The following GLI4 variants were observed in gnomAD, a reference collection of about 807,000 sequenced individuals.
GLI4 encodes the protein GLI family zinc finger 4.
GLI4 carries 34 observed loss-of-function variants against 30.9 expected under a neutral mutation model. That is an observed-to-expected ratio of 1.10 (90% CI 0.84 to 1.47). The LOEUF is 1.47. Among genes scored for constraint, GLI4 ranks in the 40% most tolerant of loss-of-function variants. GLI4 has a pLI of 0.00. For missense variants in GLI4, 696 were observed against 538.9 expected (o/e 1.29, Z -2.89); for synonymous variants, 277 against 236.7 (o/e 1.17, Z -1.56).
intron 1 of GLI4, chr8:143,267,694 C>T (rs2129654822): frequency 1.0e-6 from 1 of 985,362 alleles, no homozygotes; most frequent in Non-Finnish European, 1.2e-6. Flanking sequence ...CCCCGCCCAG[C>T]GGCCCTGGCG....
intron 2 of GLI4, among the ~76,000 whole-genome samples, chr8:143,273,854 TGGC>T (rs1342686299): frequency 3.5e-4 from 4 of 11,322 alleles, no homozygotes; most frequent in Non-Finnish European, 1.0e-3. Flanking sequence ...GGCACCAGGG[TGGC>T]ACAGCACTGA....
rs1815384886 is a variant in GLI4, at chr8:143,276,251, A to G, written c.578A>G (p.Lys193Arg). 6.2e-7 allele frequency: 1 copy of G among 1,610,648 alleles called. No homozygotes were observed. Among genetic ancestry groups the G allele is most frequent in the South Asian group, 1.1e-5 (1 of 90,848 alleles). The change falls in exon 4 of 4, where the codon AAG becomes AGG. Residue 193 changes from lysine (K) to arginine (R), a missense_variant. Physicochemically the swap from Lys to Arg is conservative, Grantham distance 26. Coordinates refer to ENST00000340042, the MANE Select transcript of GLI4 (RefSeq NM_138465.4). ...HRCEACGKSF[K>R]YNSLLLKHQR... ...TGCGAGGCCTGCGGCAAGAGTTTCA[A>G]GTATAACTCGCTGCTCCTGAAGCAC...
chr8:143,267,514 C>T (rs945123880), intron 1 of GLI4, 30 bp downstream of exon 1: 7 of 986,384 alleles, frequency 7.1e-6, no homozygotes, highest in African/African-American at 7.0e-5. Context: ...GGCGGCGGCT[C>T]CGGGTGCCTG....
At chr8:143,270,435 G>A (rs116091960) in intron 2 of GLI4, among the ~76,000 whole-genome samples, 1,600 of 152,322 alleles carry the variant, frequency 0.011, 25 homozygotes, top group African/African-American at 0.035. Flanking sequence ...CAGCCCTGCC[G>A]TCTCCGCTGC....
At chr8:143,270,361 A>G (rs1307726789) in intron 2 of GLI4, among the ~76,000 whole-genome samples, 1 of 152,228 alleles carries the variant, frequency 6.6e-6, no homozygotes, top group Non-Finnish European at 1.5e-5. Flanking sequence ...GGCTCCCCCA[A>G]GGAGCCAGGA....
chr8:143,275,778 C>T (rs1815370369), intron 3 of GLI4, 119 bp from the exon 4 acceptor site: 2 of 1,240,288 alleles, frequency 1.6e-6, no homozygotes, highest in East Asian at 3.2e-5. Context: ...GGGTGCCTGG[C>T]CCCTCCTTGT....
chr8:143,275,276 G>A, intron 3 of GLI4: 5 of 1,502,466 alleles, frequency 3.3e-6, no homozygotes, highest in African/African-American at 1.4e-5. Context: ...TTCCCTCTGG[G>A]CGATGTTAGT....
intron 2 of GLI4, among the ~76,000 whole-genome samples, chr8:143,271,070 C>G (rs1246989365): frequency 6.6e-6 from 1 of 152,218 alleles, no homozygotes; most frequent in Non-Finnish European, 1.5e-5. Flanking sequence ...TGGAAGCCTC[C>G]TGGGCACTGG....
chr8:143,275,713 T>G (rs1362549638), intron 3 of GLI4, 184 bp from the exon 4 acceptor site: 1 of 1,240,788 alleles, frequency 8.1e-7, no homozygotes, highest in East Asian at 3.2e-5. Flanking sequence ...TGTGTCTATG[T>G]CAGCTCTCCT....
rs561535281 is a variant in GLI4 at position 143,276,186 on chromosome 8, G to A, written c.513G>A (p.Arg171=). 18 of 1,561,440 alleles carry A rather than the reference G, an allele frequency of 1.2e-5. 1 individual carries two copies. The South Asian group carries it at 1.7e-4, about 15-fold the overall frequency. Residue 171 remains arginine, a synonymous_variant, in exon 4 of 4, where the codon CGG becomes CGA. Coordinates refer to ENST00000340042, the MANE Select transcript of GLI4 (RefSeq NM_138465.4). ...CCGAGCTGGGAGTCAACTTCGGTCGGAGCCGGCAGGGCAGCGCGCGGGGGG... is the reference window on the plus strand; with the variant it reads ...CCGAGCTGGGAGTCAACTTCGGTCGAAGCCGGCAGGGCAGCGCGCGGGGGG... The part of the protein sequence containing the change: ...RAAELGVNFG[R]SRQGSARGAK...
intron 1 of GLI4, chr8:143,268,092 G>A (rs1815178664): frequency 1.0e-6 from 1 of 985,236 alleles, no homozygotes; most frequent in South Asian, 4.7e-5. Flanking sequence ...TTTACCAGGT[G>A]TCCCCAGTAA....
chr8:143,275,485 C>A, intron 3 of GLI4: 2 of 1,321,834 alleles, frequency 1.5e-6, no homozygotes, highest in Non-Finnish European at 9.6e-7. Flanking sequence ...AGGAGCTGTG[C>A]CCATATGGAC....
chr8:143,271,936 TC>T (rs1387468132), intron 2 of GLI4, among the ~76,000 whole-genome samples: 27 of 152,232 alleles, frequency 1.8e-4, no homozygotes, highest in Admixed American at 1.6e-3. Context: ...ACCTCTGTGG[TC>T]CCCACGGAGA....
intron 3 of GLI4, 92 bp from the exon 4 acceptor site, chr8:143,275,805 C>T (rs2293924): frequency 0.84 from 1,048,778 of 1,243,746 alleles, 442,835 homozygotes; most frequent in African/African-American, 0.93. Flanking sequence ...TAAGCCCCCC[C>T]GTCCAGCTCT....
chr8:143,271,453 G>A (rs1196024236), intron 2 of GLI4, among the ~76,000 whole-genome samples: 9 of 152,200 alleles, frequency 5.9e-5, no homozygotes, highest in Non-Finnish European at 1.3e-4. Context: ...GTTTCTGGGC[G>A]TTTCCAGCTT....
chr8:143,275,653 C>A, intron 3 of GLI4: 2 of 1,240,396 alleles, frequency 1.6e-6, no homozygotes, highest in Non-Finnish European at 2.0e-6. Flanking sequence ...GCCGTGGTGA[C>A]TGTGGATGGT....
At position 143,276,745 on chromosome 8, in the gene GLI4, A is replaced by G. The variant is rs764763435; in HGVS notation, c.1072A>G (p.Lys358Glu). The G allele has an allele frequency of 6.2e-7, 1 of 1,607,732 alleles. No homozygotes were observed. The highest frequency in any genetic ancestry group is 8.5e-7 in the Non-Finnish European group (1 of 1,177,816). The change falls in exon 4 of 4, where the codon AAG becomes GAG. Residue 358 changes from lysine to glutamate, a missense_variant. Physicochemically the swap from Lys to Glu is moderately conservative, Grantham distance 56. Coordinates refer to ENST00000340042, the MANE Select transcript of GLI4 (RefSeq NM_138465.4). ...EKPFACGACG[K>E]AFGQSSQLIQ... ...GCCCTTCGCGTGTGGCGCCTGCGGC[A>G]AGGCCTTCGGCCAGAGCTCCCAGCT... is the stretch of plus-strand genomic sequence containing the variant.
rs1457220858 is a variant in GLI4 at position 143,276,817 on chromosome 8, T to G, written c.*13T>G. Reference sequence around the variant, plus strand: ...CTACCGCGAGTAGCCGGGCGGGGGCTCGGGGCTCGGCCTCCTACCTGCCCC... The same window carrying G: ...CTACCGCGAGTAGCCGGGCGGGGGCGCGGGGCTCGGCCTCCTACCTGCCCC... On this transcript the variant is annotated 3_prime_UTR_variant, in exon 4 of 4. Coordinates refer to ENST00000340042, the MANE Select transcript of GLI4 (RefSeq NM_138465.4). The G allele has an allele frequency of 1.3e-6, 2 of 1,507,464 alleles. No individual in the cohort carries two copies. The highest frequency in any genetic ancestry group is 4.0e-5 in the Admixed American group (2 of 49,746). The allele number at this position is 1,507,464 out of a possible 1,614,324, so 93.4% of individuals were successfully genotyped here. A position where few individuals can be genotyped will look rare whatever the true frequency, so the allele number is the denominator to read the frequency against.
At chr8:143,274,602 G>GTCC (rs1373781051) in intron 2 of GLI4, 102 bp from the exon 3 acceptor site, 2 of 1,205,084 alleles carry the variant, frequency 1.7e-6, no homozygotes, top group Non-Finnish European at 2.2e-6. Flanking sequence ...GCCAGGAGGT[G>GTCC]TCCTGTGTCA....
Sources: allele counts gnomAD v4.1 joint callset (sites outside exome capture counted in the v4.1 genomes callset), GRCh38; gene constraint gnomAD v4.1.1; transcripts MANE v1.5; gene names NCBI Gene and HGNC (gene_info 2026-07-23, HGNC 2026-07-21).